NAV2: variants seen among roughly 807,000 people sequenced by gnomAD.
NAV2 encodes neuron navigator 2, also known as helicase, APC down-regulated 1.
Under a neutral mutation model 223.2 loss-of-function variants are expected in NAV2, and 54 were observed. The observed-to-expected ratio is 0.24, with a 90% CI of 0.19 to 0.30. The LOEUF (loss-of-function observed/expected upper bound fraction) is 0.30, where lower values mean the gene tolerates loss of function less well. Among genes scored for constraint, NAV2 ranks in the 10% least tolerant of loss-of-function variants. NAV2 has a pLI of 1.00. For missense variants in NAV2, 2,806 were observed against 3,147.5 expected, an observed-to-expected ratio of 0.89 and a Z score of 2.60; for synonymous variants, 1,279 against 1,239.3, an observed-to-expected ratio of 1.03 and a Z score of -0.67.
At chr11:19,956,396 G>A (rs7942790) in intron 10 of NAV2, among the ~76,000 whole-genome samples, 45,687 of 148,650 alleles carry the variant, frequency 0.31, 8,335 homozygotes, top group Non-Finnish European at 0.4. Flanking sequence ...ACACACACAC[G>A]CTCTCTCTCT....
intron 6 of NAV2, among the ~76,000 whole-genome samples, chr11:19,894,570 A>G (rs1316758458): frequency 6.6e-6 from 1 of 152,212 alleles, no homozygotes; most frequent in Non-Finnish European, 1.5e-5. Context: ...CGCCAATGCT[A>G]GGACAGTGAC....
At chr11:19,997,581 T>TA (rs890703034) in intron 11 of NAV2, among the ~76,000 whole-genome samples, 4 of 152,282 alleles carry the variant, frequency 2.6e-5, no homozygotes, top group Middle Eastern at 3.4e-3. Context: ...CCAGAGGACT[T>TA]ACCACATCAG....
intron 1 of NAV2, among the ~76,000 whole-genome samples, chr11:19,604,003 G>A (rs1181476249): frequency 6.6e-6 from 1 of 152,172 alleles, no homozygotes; most frequent in East Asian, 1.9e-4. Context: ...TCAAGGAACA[G>A]CAAGGAAGAG....
intron 1 of NAV2, among the ~76,000 whole-genome samples, chr11:19,579,651 T>C (rs1374122039): frequency 6.6e-6 from 1 of 152,126 alleles, no homozygotes; most frequent in Non-Finnish European, 1.5e-5. Flanking sequence ...TAAGAAAGAG[T>C]AAATGCAATG....
At chr11:19,854,672 T>C (rs1318324708) in intron 3 of NAV2, among the ~76,000 whole-genome samples, 2 of 152,194 alleles carry the variant, frequency 1.3e-5, no homozygotes, top group Non-Finnish European at 2.9e-5. Flanking sequence ...TTCTCATAAG[T>C]TTCCTGAGCT....
intron 1 of NAV2, among the ~76,000 whole-genome samples, chr11:19,662,683 G>A (rs534596476): frequency 2.0e-5 from 3 of 152,346 alleles, no homozygotes; most frequent in African/African-American, 4.8e-5. Context: ...GCTTCCTTAA[G>A]ATGAAGCTCT....
intron 1 of NAV2, among the ~76,000 whole-genome samples, chr11:19,718,403 G>A (rs1244628530): frequency 2.0e-5 from 3 of 152,200 alleles, no homozygotes; most frequent in Non-Finnish European, 2.9e-5. Context: ...TGGTGTTCAA[G>A]TTGCACCTAG....
At chr11:19,918,395 G>T (rs1290171002) in intron 6 of NAV2, among the ~76,000 whole-genome samples, 3 of 152,222 alleles carry the variant, frequency 2.0e-5, no homozygotes, top group African/African-American at 7.2e-5. Context: ...CAAATTTGGG[G>T]AAAAAATGAG....
At chr11:20,058,027 T>G (rs1011638048) in intron 19 of NAV2, among the ~76,000 whole-genome samples, 2 of 152,248 alleles carry the variant, frequency 1.3e-5, no homozygotes, top group African/African-American at 4.8e-5. Flanking sequence ...CATTATCATC[T>G]TTTGGAAAAT....
chr11:19,386,660 T>C (rs1425091335), intron 1 of NAV2, among the ~76,000 whole-genome samples: 1 of 151,360 alleles, frequency 6.6e-6, no homozygotes, highest in African/African-American at 2.4e-5. Context: ...CATCAGGAAA[T>C]GTGTCAATAA....
intron 5 of NAV2, among the ~76,000 whole-genome samples, chr11:19,887,995 G>T (rs2041167501): frequency 6.6e-6 from 1 of 151,552 alleles, no homozygotes; most frequent in Non-Finnish European, 1.5e-5. Flanking sequence ...GAACAGAGGA[G>T]CCGGGATGCA....
At chr11:19,459,847 G>C (rs1322712518) in intron 1 of NAV2, among the ~76,000 whole-genome samples, 5 of 152,170 alleles carry the variant, frequency 3.3e-5, no homozygotes, top group African/African-American at 9.7e-5. Context: ...TTTTGAGCAA[G>C]AAAATGCTAT....
chr11:19,373,906 C>T (rs1321592137), intron 1 of NAV2, among the ~76,000 whole-genome samples: 2 of 152,100 alleles, frequency 1.3e-5, no homozygotes, highest in East Asian at 1.9e-4. Flanking sequence ...AGACATAATA[C>T]ACCCCATATC....
chr11:19,412,243 G>A (rs1201083365), intron 1 of NAV2, among the ~76,000 whole-genome samples: 1 of 152,154 alleles, frequency 6.6e-6, no homozygotes, highest in Non-Finnish European at 1.5e-5. Context: ...TGGGGGGAGG[G>A]GCATCTGCCA....
At chr11:19,857,521 G>A (rs2061470137) in intron 3 of NAV2, among the ~76,000 whole-genome samples, 1 of 152,140 alleles carries the variant, frequency 6.6e-6, no homozygotes. Flanking sequence ...TGAGAAGAGA[G>A]TAGATGCTCA....
intron 1 of NAV2, among the ~76,000 whole-genome samples, chr11:19,782,723 G>A (rs1242025552): frequency 1.3e-5 from 2 of 152,010 alleles, no homozygotes; most frequent in African/African-American, 4.8e-5. Flanking sequence ...TTCAGAGATT[G>A]TTACAGAAAT....
chr11:20,095,712 T>C lies in NAV2; in HGVS notation c.5957T>C (p.Val1986Ala). The change falls in exon 30 of 38, where the codon GTT becomes GCT. Residue 1986 changes from valine to alanine, a missense_variant. Val to Ala is a moderately conservative substitution (Grantham distance 64). This residue lies in a region of NAV2 where 824 missense variants were observed against 1,069.4 expected (regional missense o/e 0.77). Coordinates refer to ENST00000349880, the MANE Select transcript of NAV2 (RefSeq NM_145117.5). ...CTCTTTCTTATTGGCTGCATTGGAGTTAGTGGCAAGACGAAGTGGGATGTG... is the reference window on the plus strand; with the variant it reads ...CTCTTTCTTATTGGCTGCATTGGAGCTAGTGGCAAGACGAAGTGGGATGTG... Reference protein sequence around the residue: ...PHLFLIGCIGVSGKTKWDVLD... With the variant: ...PHLFLIGCIGASGKTKWDVLD... 1 of 1,613,974 alleles carries C rather than the reference T, an allele frequency of 6.2e-7. No homozygotes were observed. The highest frequency in any genetic ancestry group is 1.1e-5 in the South Asian group (1 of 91,066).
At chr11:19,799,569 G>A (rs1328378598) in intron 1 of NAV2, among the ~76,000 whole-genome samples, 9 of 148,078 alleles carry the variant, frequency 6.1e-5, no homozygotes, top group Non-Finnish European at 4.5e-5. Context: ...GCGGTTGGGG[G>A]CAGGGGGAGG....
At chr11:19,581,866 T>A in intron 1 of NAV2, among the ~76,000 whole-genome samples, 1 of 152,230 alleles carries the variant, frequency 6.6e-6, no homozygotes, top group Non-Finnish European at 1.5e-5. Flanking sequence ...TTATAATCCT[T>A]TGGGTATATA....
Sources: gnomAD v4.1 joint callset for allele counts (sites outside exome capture counted in the v4.1 genomes callset) on GRCh38, gnomAD v4.1.1 for gene constraint, gnomAD v4.1.1 regional missense constraint, MANE v1.5 for transcripts, NCBI Gene and HGNC (gene_info 2026-07-23, HGNC 2026-07-21) for gene names.